The following ZNRF3 variants were observed in gnomAD, a reference collection of about 807,000 sequenced individuals.
The protein encoded by ZNRF3 is zinc and ring finger 3.
A neutral mutation model predicts 72.5 loss-of-function variants in ZNRF3; 23 were observed. That is an observed-to-expected ratio of 0.32 (90% CI 0.23 to 0.45). The LOEUF (loss-of-function observed/expected upper bound fraction) is 0.45. Among genes scored for constraint, ZNRF3 ranks in the 20% least tolerant of loss-of-function variants. The pLI is 1.00. For missense variants in ZNRF3, 1,169 were observed against 1,272.1 expected (o/e 0.92, Z 1.23); for synonymous variants, 610 against 545.3 (o/e 1.12, Z -1.65).
chr22:28,978,607 A>G (rs1294759655), intron 1 of ZNRF3, among the ~76,000 whole-genome samples: 1 of 152,248 alleles, frequency 6.6e-6, no homozygotes, highest in Admixed American at 6.5e-5. Context: ...CCAGCAGTGC[A>G]TAAAATTTTT....
chr22:28,995,790 T>C (rs2036036692), intron 2 of ZNRF3, among the ~76,000 whole-genome samples: 1 of 152,058 alleles, frequency 6.6e-6, no homozygotes, highest in South Asian at 2.1e-4. Flanking sequence ...TTTTTTTTTT[T>C]TCCAAGACAG....
chr22:28,925,659 G>C (rs948703286), intron 1 of ZNRF3, among the ~76,000 whole-genome samples: 5 of 152,104 alleles, frequency 3.3e-5, no homozygotes, highest in Non-Finnish European at 7.3e-5. Context: ...ACATTTCACT[G>C]TATTTGCTTT....
At chr22:29,015,281 AACTT>A (rs377246192) in intron 2 of ZNRF3, among the ~76,000 whole-genome samples, 145 of 152,372 alleles carry the variant, frequency 9.5e-4, no homozygotes, top group African/African-American at 3.3e-3. Flanking sequence ...AATTGCCTAT[AACTT>A]ACCAGTTTGA....
chr22:28,955,046 GT>G lies in ZNRF3; in HGVS notation c.301-32018del, dbSNP rs11413865. Among the ~76,000 whole-genome samples, 114 of 98,240 alleles carry G rather than the reference GT, an allele frequency of 1.2e-3. 3 individuals carry two copies. The highest frequency in any genetic ancestry group is 6.4e-3 in the Admixed American group (61 of 9,520). The allele number at this position is 98,240 out of a possible 152,430, so 64.4% of individuals were successfully genotyped here. ...GTATTTTTGGTGTTTTTTTTTTTTT[GT>G]TTTTTTTTTTTGAGACAAGGTCTTG... On this transcript the variant is annotated intron_variant, in intron 1 of 8. Transcript: ENST00000544604.
At chr22:28,899,689 C>CTTTTT (rs200411431) in intron 1 of ZNRF3, among the ~76,000 whole-genome samples, 1 of 140,684 alleles carries the variant, frequency 7.1e-6, no homozygotes, top group Non-Finnish European at 1.6e-5. Context: ...TTCTTTCTTT[C>CTTTTT]TTTCTTTTTT....
At chr22:28,943,323 A>G (rs570101818) in intron 1 of ZNRF3, among the ~76,000 whole-genome samples, 1 of 151,754 alleles carries the variant, frequency 6.6e-6, no homozygotes, top group Non-Finnish European at 1.5e-5. Context: ...CTGCCTCTAC[A>G]CTTGCTTCCC....
chr22:28,898,129 G>A (rs1387795752), intron 1 of ZNRF3, among the ~76,000 whole-genome samples: 3 of 152,028 alleles, frequency 2.0e-5, no homozygotes, highest in Non-Finnish European at 4.4e-5. Flanking sequence ...TGTATTTTTC[G>A]TAGAGAGGGG....
intron 2 of ZNRF3, among the ~76,000 whole-genome samples, chr22:29,009,931 G>A (rs1258909223): frequency 1.6e-5 from 2 of 125,202 alleles, no homozygotes; most frequent in African/African-American, 3.1e-5. Flanking sequence ...TTTTGAGACA[G>A]TGTCTCGCTC....
At chr22:28,948,767 A>G (rs974821723) in intron 1 of ZNRF3, among the ~76,000 whole-genome samples, 3 of 152,238 alleles carry the variant, frequency 2.0e-5, no homozygotes, top group African/African-American at 2.4e-5. Flanking sequence ...GTTGCAATGT[A>G]GAATCTGAAA....
At chr22:28,992,245 T>C (rs2035969787) in intron 2 of ZNRF3, among the ~76,000 whole-genome samples, 1 of 139,582 alleles carries the variant, frequency 7.2e-6, no homozygotes. Context: ...CTTTTAGTAG[T>C]CAAAGGCTTG....
intron 1 of ZNRF3, among the ~76,000 whole-genome samples, chr22:28,900,599 G>C (rs2034083518): frequency 1.3e-5 from 2 of 152,178 alleles, no homozygotes; most frequent in Non-Finnish European, 2.9e-5. Context: ...GCTGCCACCT[G>C]TCCAGGTTCA....
chr22:29,042,443 G>C, intron 2 of ZNRF3, 52 bp from the exon 3 acceptor site: 1 of 1,563,054 alleles, frequency 6.4e-7, no homozygotes, highest in Non-Finnish European at 8.8e-7. Flanking sequence ...GGCCAACTTT[G>C]AAAAGGTAAG....
At chr22:28,958,722 TCTC>T (rs1387948567) in intron 1 of ZNRF3, among the ~76,000 whole-genome samples, 1 of 152,088 alleles carries the variant, frequency 6.6e-6, no homozygotes, top group Non-Finnish European at 1.5e-5. Flanking sequence ...CTCATTTGGT[TCTC>T]CTCCCCTCCT....
At chr22:28,986,564 A>G in intron 1 of ZNRF3, 1 of 973,352 alleles carries the variant, frequency 1.0e-6, no homozygotes, top group Non-Finnish European at 1.2e-6. Context: ...GGTAGCCTTT[A>G]AACAGCCTGT....
chr22:29,049,969 C>T lies in ZNRF3; in HGVS notation c.1788C>T (p.Pro596=), dbSNP rs62236879. 10 of 1,612,330 alleles carry T rather than the reference C, an allele frequency of 6.2e-6. No homozygotes were observed. The South Asian group carries it at 1.1e-4, about 18-fold the overall frequency. ...GCTCCCTCAGCAGCGACTATGACCC[C>T]TTCATCTACCGCAGCCGGAGCCCCT... ...FRSSLSSDYD[P]FIYRSRSPCR... The change falls in exon 8 of 9, where the codon CCC becomes CCT. Residue 596 remains proline, a synonymous_variant. Coordinates refer to ENST00000544604, the MANE Select transcript of ZNRF3 (RefSeq NM_001206998.2). This position sits in a 1 kb window ranked among gnomAD's most constrained non-coding sequence, Gnocchi z 5.2.
intron 1 of ZNRF3, among the ~76,000 whole-genome samples, chr22:28,894,214 T>G (rs556441975): frequency 1.3e-5 from 2 of 151,976 alleles, no homozygotes; most frequent in African/African-American, 4.8e-5. Flanking sequence ...CACCTTGGTC[T>G]CCCAAAGTGC....
At chr22:28,884,181 C>G (rs1172211296) in intron 1 of ZNRF3, 115 bp downstream of exon 1, 1 of 831,570 alleles carries the variant, frequency 1.2e-6, no homozygotes, top group Non-Finnish European at 1.5e-6. Context: ...GAGGGGTGGC[C>G]GAGAGGCCGG....
intron 2 of ZNRF3, among the ~76,000 whole-genome samples, chr22:29,015,694 C>T (rs1160488121): frequency 6.6e-6 from 1 of 150,452 alleles, no homozygotes; most frequent in Non-Finnish European, 1.5e-5. Context: ...AAAATCCTTC[C>T]AGACTTCTTT....
intron 2 of ZNRF3, among the ~76,000 whole-genome samples, chr22:29,001,030 C>T (rs200356978): frequency 4.0e-5 from 6 of 150,586 alleles, no homozygotes; most frequent in East Asian, 2.0e-4. Flanking sequence ...GCCTCATGAT[C>T]CTCCTGCCTT....
Sources: allele counts gnomAD v4.1 joint callset (sites outside exome capture counted in the v4.1 genomes callset), GRCh38; gene constraint gnomAD v4.1.1; non-coding constraint Gnocchi (gnomAD v3.1); transcripts MANE v1.5; gene names NCBI Gene and HGNC (gene_info 2026-07-23, HGNC 2026-07-21).